The following OTOGL variants were observed in gnomAD, a reference collection of about 807,000 sequenced individuals.
The protein encoded by OTOGL is otogelin like.
Under a neutral mutation model 318.5 loss-of-function variants are expected in OTOGL, and 285 were observed. The observed-to-expected ratio is 0.89, with a 90% CI of 0.81 to 0.99. OTOGL has a LOEUF of 0.99. Ranked by LOEUF, OTOGL falls within the 50% of genes least tolerant of loss-of-function variation. The probability of loss-of-function intolerance (pLI) is 0.00; values close to 1 mark genes in which losing one functional copy is unlikely to be tolerated. For missense variants in OTOGL, 2,899 were observed against 2,845.6 expected (o/e 1.02, Z -0.43); for synonymous variants, 987 against 936.5 (o/e 1.05, Z -0.99).
In OTOGL at chr12:80,370,602, A is replaced by T. The variant is rs759741852; in HGVS notation, c.6648A>T (p.Thr2216=). The T allele has an allele frequency of 1.9e-6, 3 of 1,579,664 alleles. No homozygotes were observed. The South Asian group carries it at 3.5e-5, about 19-fold the overall frequency. ...VGSTWHYNCT[T]YECVKTDEGA... ...GTACCTGGCACTACAATTGCACCAC[A>T]TATGAATGTGTTAAAACTGATGAAG... The change falls in exon 56 of 59, where the codon ACA becomes ACT. Residue 2216 remains threonine, a synonymous_variant. Coordinates refer to ENST00000547103, the MANE Select transcript of OTOGL (RefSeq NM_001378609.3).
chr12:80,254,641 T>C, intron 15 of OTOGL, 71 bp downstream of exon 15: 1 of 1,265,766 alleles, frequency 7.9e-7, no homozygotes, highest in Non-Finnish European at 1.1e-6. Flanking sequence ...ATAGCACTGA[T>C]CTTTATGAAG....
At chr12:80,162,574 G>A (rs1040280207) in intron 1 of OTOGL, among the ~76,000 whole-genome samples, 17 of 151,992 alleles carry the variant, frequency 1.1e-4, no homozygotes, top group Non-Finnish European at 1.9e-4. Flanking sequence ...TGAGGGCTGT[G>A]GGGGTAGGAT....
At chr12:80,272,229 G>A (rs866016023) in intron 24 of OTOGL, among the ~76,000 whole-genome samples, 4 of 152,012 alleles carry the variant, frequency 2.6e-5, no homozygotes, top group Admixed American at 6.6e-5. Context: ...AAGGGCAGTG[G>A]GTAAGAGTGG....
At chr12:80,165,589 T>C (rs947274741) in intron 1 of OTOGL, among the ~76,000 whole-genome samples, 1 of 152,214 alleles carries the variant, frequency 6.6e-6, no homozygotes, top group Non-Finnish European at 1.5e-5. Context: ...GTTTCTTCTG[T>C]CTTCCATTTG....
At chr12:80,262,769 A>G (rs139260836) in intron 19 of OTOGL, among the ~76,000 whole-genome samples, 396 of 152,332 alleles carry the variant, frequency 2.6e-3, no homozygotes, top group African/African-American at 9.0e-3. Flanking sequence ...ACACATGTAT[A>G]TATTCAGATA....
At position 80,271,810 on chromosome 12, in the gene OTOGL, G is replaced by GGTAA; in HGVS notation, c.2681+2_2681+5dup. On this transcript the variant is annotated stop_gained and frameshift_variant and splice_region_variant. Coordinates refer to ENST00000547103, the MANE Select transcript of OTOGL (RefSeq NM_001378609.3). LOFTEE classifies it high-confidence loss of function. ...ATAAGTGGCTGTGTTTGTGCTCCAGGGTAAGCCTCTTCTTCATAATACAGA... is the reference window on the plus strand; with the variant it reads ...ATAAGTGGCTGTGTTTGTGCTCCAGGGTAAGTAAGCCTCTTCTTCATAATACAGA... 1.2e-6 allele frequency: 2 copies of GGTAA among 1,610,686 alleles called. No individual in the cohort carries two copies. Among genetic ancestry groups the GGTAA allele is most frequent in the African/African-American group, 1.3e-5 (1 of 74,830 alleles).
In OTOGL at chr12:80,379,334, G is replaced by C. The variant is rs1242451225; in HGVS notation, c.*1286G>C. Reference sequence around the variant, plus strand: ...ATACTGGGCCTCAAGGGTGGGCTTAGGCTTAAACTAGATTATCTGCTTTCA... The same window carrying C: ...ATACTGGGCCTCAAGGGTGGGCTTACGCTTAAACTAGATTATCTGCTTTCA... On this transcript the variant is annotated 3_prime_UTR_variant, in exon 59 of 59. Coordinates refer to ENST00000547103, the MANE Select transcript of OTOGL (RefSeq NM_001378609.3). 6.6e-6 allele frequency: 1 copy of C among 151,912 alleles called. No individual in the cohort carries two copies. The highest frequency in any genetic ancestry group is 1.5e-5 in the Non-Finnish European group (1 of 67,876). 9.4% of individuals were successfully genotyped at this position (151,912 alleles called of 1,614,324 possible).
chr12:80,230,129 AT>A (rs1405083265), intron 8 of OTOGL, among the ~76,000 whole-genome samples: 2 of 152,144 alleles, frequency 1.3e-5, no homozygotes, highest in Non-Finnish European at 2.9e-5. Flanking sequence ...GGCTGGAACA[AT>A]TCTATTCATT....
intron 19 of OTOGL, 33 bp from the exon 20 acceptor site, chr12:80,264,968 G>A: frequency 6.2e-7 from 1 of 1,600,564 alleles, no homozygotes; most frequent in Non-Finnish European, 8.6e-7. Flanking sequence ...GATCTGAACT[G>A]TTAAATAAGA....
chr12:80,180,031 A>T (rs182131727), intron 1 of OTOGL, among the ~76,000 whole-genome samples: 210 of 152,332 alleles, frequency 1.4e-3, no homozygotes, highest in African/African-American at 4.8e-3. Flanking sequence ...AAGCTGTATC[A>T]AGGTTTGGTT....
chr12:80,225,336 A>G (rs1194808127), intron 7 of OTOGL, among the ~76,000 whole-genome samples: 1 of 152,070 alleles, frequency 6.6e-6, no homozygotes, highest in Non-Finnish European at 1.5e-5. Flanking sequence ...TGAGGTGTCA[A>G]CGAGATAACC....
rs66786755 is a variant in OTOGL at position 80,295,157 on chromosome 12, CT to C, written c.2929-1641del. ...AAACACAAACTGTATGATTGCCGAA[CT>C]TTTTTTTTTTTTTTTTTTTTTTTTT... On this transcript the variant is annotated intron_variant, in intron 26 of 58. Transcript: ENST00000547103. Among the ~76,000 whole-genome samples, 980 of 98,792 alleles carry C rather than the reference CT, an allele frequency of 9.9e-3. 13 individuals are homozygous for C. The highest frequency in any genetic ancestry group is 0.045 in the African/African-American group (919 of 20,504). The allele number at this position is 98,792 out of a possible 152,430, so 64.8% of individuals were successfully genotyped here. A position where few individuals can be genotyped will look rare whatever the true frequency, so the allele number is the denominator to read the frequency against.
intron 7 of OTOGL, 44 bp from the exon 8 acceptor site, chr12:80,229,213 T>C: frequency 6.4e-7 from 1 of 1,570,182 alleles, no homozygotes. Context: ...AACTCAGATT[T>C]ATTGTTTGTT....
At chr12:80,222,562 A>G (rs952195727) in intron 7 of OTOGL, among the ~76,000 whole-genome samples, 1 of 152,192 alleles carries the variant, frequency 6.6e-6, no homozygotes, top group Non-Finnish European at 1.5e-5. Context: ...GCTAATTGCT[A>G]GGTAGTTTGA....
chr12:80,227,233 C>T (rs998617101), intron 7 of OTOGL, among the ~76,000 whole-genome samples: 2 of 152,168 alleles, frequency 1.3e-5, no homozygotes, highest in Non-Finnish European at 2.9e-5. Flanking sequence ...TTCAGTTATA[C>T]ATTTCTCCTT....
chr12:80,265,150 G>A lies in OTOGL; in HGVS notation c.2164G>A (p.Ala722Thr), dbSNP rs1400482807. ...SCLCNALAHY[A>T]YLCGQHGVPI... ...CCTGTGCAATGCTCTTGCCCACTAT[G>A]CCTACCTCTGCGGCCAGCACGGTGT... is the stretch of plus-strand genomic sequence containing the variant. The change falls in exon 20 of 59, where the codon GCC (alanine) becomes ACC (threonine). Residue 722 changes from alanine (A) to threonine (T), a missense_variant. This residue lies in a region of OTOGL where 2,607 missense variants were observed against 2,524.9 expected (regional missense o/e 1.03). Transcript: ENST00000547103. The A allele has an allele frequency of 3.1e-6, 5 of 1,613,754 alleles. No homozygotes were observed. In the African/African-American group the frequency reaches 5.3e-5, roughly 17 times the overall value.
At chr12:80,271,586 G>C in intron 23 of OTOGL, 62 bp from the exon 24 acceptor site, 1 of 1,485,658 alleles carries the variant, frequency 6.7e-7, no homozygotes, top group South Asian at 1.3e-5. Context: ...GAATTTTGGT[G>C]TTCATATCTC....
At chr12:80,328,487 C>G (rs1407672314) in intron 35 of OTOGL, among the ~76,000 whole-genome samples, 178 bp from the exon 36 acceptor site, 1 of 152,144 alleles carries the variant, frequency 6.6e-6, no homozygotes, top group Non-Finnish European at 1.5e-5. Context: ...TCTTATCATC[C>G]TCTAGCTTGT....
intron 4 of OTOGL, among the ~76,000 whole-genome samples, chr12:80,213,595 T>A (rs968670323): frequency 3.3e-5 from 5 of 152,196 alleles, no homozygotes; most frequent in African/African-American, 4.8e-5. Flanking sequence ...AAATACATTT[T>A]ATTTTTCTTA....
Sources: gnomAD v4.1 joint callset for allele counts (sites outside exome capture counted in the v4.1 genomes callset) on GRCh38, gnomAD v4.1.1 for gene constraint, gnomAD v4.1.1 regional missense constraint, MANE v1.5 for transcripts, NCBI Gene and HGNC (gene_info 2026-07-23, HGNC 2026-07-21) for gene names.